The following VTI1A variants were observed in gnomAD, a reference collection of about 807,000 sequenced individuals.
VTI1A encodes vesicle transport through interaction with t-SNAREs homolog 1A.
VTI1A carries 22 observed loss-of-function variants against 34.9 expected under a neutral mutation model. The ratio of observed to expected loss-of-function variants is 0.63; its 90% CI spans 0.45 to 0.90. The LOEUF is 0.90. VTI1A is among the 40% of genes least tolerant of loss of function. The pLI is 0.00. For missense variants in VTI1A, 268 were observed against 275.6 expected (o/e 0.97, Z 0.20); for synonymous variants, 87 against 97.3 (o/e 0.89, Z 0.62).
At chr10:112,710,208 C>CTT (rs36104889) in intron 7 of VTI1A, among the ~76,000 whole-genome samples, 101 of 136,446 alleles carry the variant, frequency 7.4e-4, no homozygotes, top group African/African-American at 1.9e-3. Context: ...CAGTTAATGT[C>CTT]TTTTTTTTTT....
At chr10:112,661,279 C>G (rs11196042) in intron 5 of VTI1A, among the ~76,000 whole-genome samples, 7,467 of 152,220 alleles carry the variant, frequency 0.049, 415 homozygotes, top group African/African-American at 0.13. Flanking sequence ...CATCACCTGG[C>G]TAATTTTTGT....
chr10:112,576,660 A>T (rs1365217079), intron 5 of VTI1A, among the ~76,000 whole-genome samples: 3 of 152,212 alleles, frequency 2.0e-5, no homozygotes, highest in African/African-American at 7.2e-5. Flanking sequence ...TATTTTAATG[A>T]TGCATTACTT....
intron 5 of VTI1A, among the ~76,000 whole-genome samples, chr10:112,554,980 A>G (rs1172646747): frequency 1.3e-5 from 2 of 152,156 alleles, no homozygotes; most frequent in Non-Finnish European, 2.9e-5. Context: ...CAAGATGCAT[A>G]AGAATGAATA....
chr10:112,587,330 A>G (rs964185425), intron 5 of VTI1A, among the ~76,000 whole-genome samples: 2 of 152,170 alleles, frequency 1.3e-5, no homozygotes, highest in South Asian at 4.1e-4. Flanking sequence ...GGAAAACTTC[A>G]GAAGTGTATA....
At chr10:112,819,068 G>A (rs1853601570), downstream of VTI1A, among the ~76,000 whole-genome samples, 1 of 152,202 alleles carries the variant, frequency 6.6e-6, no homozygotes. Flanking sequence ...TTAGCTGTAA[G>A]TTGTATTCAA....
chr10:112,637,277 A>G (rs1846390795), intron 5 of VTI1A, among the ~76,000 whole-genome samples: 1 of 152,214 alleles, frequency 6.6e-6, no homozygotes, highest in East Asian at 1.9e-4. Context: ...ATGGCAAACT[A>G]ATGCTGTTTT....
intron 3 of VTI1A, among the ~76,000 whole-genome samples, chr10:112,516,135 G>A (rs986768828): frequency 8.6e-5 from 13 of 152,028 alleles, no homozygotes; most frequent in Admixed American, 3.3e-4. Context: ...GGCTTGTAGC[G>A]GAGCTTCTTG....
chr10:112,806,094 C>A (rs892137794), intron 7 of VTI1A, among the ~76,000 whole-genome samples: 1 of 152,086 alleles, frequency 6.6e-6, no homozygotes, highest in African/African-American at 2.4e-5. Context: ...GTGGATGTGG[C>A]TCCTCAGTTC....
At chr10:112,750,380 C>T (rs752295348) in intron 7 of VTI1A, among the ~76,000 whole-genome samples, 9 of 151,612 alleles carry the variant, frequency 5.9e-5, no homozygotes, top group Non-Finnish European at 1.2e-4. Flanking sequence ...TTTTGGTTTT[C>T]TCGTTTGCTT....
chr10:112,694,197 C>T (rs983540611), intron 7 of VTI1A, among the ~76,000 whole-genome samples: 1 of 152,162 alleles, frequency 6.6e-6, no homozygotes, highest in Non-Finnish European at 1.5e-5. Context: ...CAGAGTGATA[C>T]TCCATCTCAA....
chr10:112,681,988 G>A (rs1848232693), intron 7 of VTI1A, among the ~76,000 whole-genome samples: 1 of 152,110 alleles, frequency 6.6e-6, no homozygotes, highest in East Asian at 1.9e-4. Flanking sequence ...AACTTGCTCA[G>A]CCAATAAAGA....
rs1449696080 is a variant in VTI1A at position 112,523,109 on chromosome 10, C to T, written c.265-3978C>T. On this transcript the variant is annotated intron_variant, in intron 3 of 7. Transcript: ENST00000393077. ...TTAATTAGTTTAAGCTAAGTTAATTCGTTTTGTTTCTAATTTAGCAGTGCC... is the reference window on the plus strand; with the variant it reads ...TTAATTAGTTTAAGCTAAGTTAATTTGTTTTGTTTCTAATTTAGCAGTGCC... 5.3e-5 allele frequency among the ~76,000 whole-genome samples: 8 copies of T among 151,974 alleles called. No homozygotes were observed. In the South Asian group the frequency reaches 1.4e-3, roughly 28 times the overall value.
chr10:112,821,288 T>A (rs1160120635), downstream of VTI1A, among the ~76,000 whole-genome samples: 4 of 150,918 alleles, frequency 2.7e-5, no homozygotes, highest in Non-Finnish European at 1.5e-5. Flanking sequence ...GGGCTTTTCC[T>A]GGGGGCAGGA....
the VTI1A span, chr10:112,824,491 C>CT: frequency 1.3e-5 from 2 of 152,524 alleles, no homozygotes; most frequent in East Asian, 3.8e-4. Flanking sequence ...AGGAGAATCG[C>CT]TTGAACCTGG....
the VTI1A span, among the ~76,000 whole-genome samples, chr10:112,845,563 A>G: frequency 6.6e-6 from 1 of 152,198 alleles, no homozygotes; most frequent in Non-Finnish European, 1.5e-5. Context: ...CAAACGGGAG[A>G]AGCGGTAGCT....
chr10:112,831,987 C>T, the VTI1A span: 1 of 152,140 alleles, frequency 6.6e-6, no homozygotes, highest in African/African-American at 2.4e-5. Flanking sequence ...TCTTGCCGGC[C>T]GACACCACAG....
chr10:112,592,266 A>C (rs1844420697), intron 5 of VTI1A, among the ~76,000 whole-genome samples: 1 of 152,196 alleles, frequency 6.6e-6, no homozygotes, highest in Admixed American at 6.5e-5. Context: ...CAGACTTCTC[A>C]CCTAAAGAAC....
chr10:112,678,455 C>T (rs1319039275), intron 7 of VTI1A, among the ~76,000 whole-genome samples: 1 of 152,196 alleles, frequency 6.6e-6, no homozygotes, highest in East Asian at 1.9e-4. Flanking sequence ...CAGGCCCCCA[C>T]ACCATTACAC....
intron 7 of VTI1A, among the ~76,000 whole-genome samples, chr10:112,676,016 A>G (rs1410020140): frequency 1.3e-5 from 2 of 152,192 alleles, no homozygotes; most frequent in East Asian, 3.8e-4. Flanking sequence ...AAGTGCCAGG[A>G]AACATTGAGG....
Sources: gnomAD v4.1 joint callset for allele counts (sites outside exome capture counted in the v4.1 genomes callset) on GRCh38, gnomAD v4.1.1 for gene constraint, MANE v1.5 for transcripts, NCBI Gene and HGNC (gene_info 2026-07-23, HGNC 2026-07-21) for gene names.